The following LRRC8A variants were observed in gnomAD, a reference collection of about 807,000 sequenced individuals.
LRRC8A encodes the protein leucine rich repeat containing 8 VRAC subunit A.
A neutral mutation model predicts 52.5 loss-of-function variants in LRRC8A; 24 were observed. The observed-to-expected ratio is 0.46, with a 90% CI of 0.33 to 0.64. LRRC8A has a LOEUF of 0.64. LRRC8A is among the 30% of genes least tolerant of loss of function. The pLI is 0.02. For synonymous variants in LRRC8A, 492 were observed against 494.2 expected, an observed-to-expected ratio of 1.00 and a Z score of 0.06; for missense variants, 677 against 1,094.7, an observed-to-expected ratio of 0.62 and a Z score of 5.38.
intron 2 of LRRC8A, among the ~76,000 whole-genome samples, chr9:128,888,879 T>A (rs1372970365): frequency 6.6e-6 from 1 of 152,100 alleles, no homozygotes; most frequent in African/African-American, 2.4e-5. Flanking sequence ...CCTCCACAGA[T>A]GGTGCTCAGC....
intron 2 of LRRC8A, among the ~76,000 whole-genome samples, chr9:128,895,827 G>A (rs1272677956): frequency 6.6e-6 from 1 of 152,164 alleles, no homozygotes; most frequent in Non-Finnish European, 1.5e-5. Flanking sequence ...GGAGGTTGGG[G>A]AGAGCACTGG....
chr9:128,905,094 G>A (rs891586692), intron 2 of LRRC8A, among the ~76,000 whole-genome samples: 7 of 151,656 alleles, frequency 4.6e-5, no homozygotes, highest in African/African-American at 1.7e-4. Context: ...AGGATTGCTT[G>A]ACCAGGAGGT....
intron 2 of LRRC8A, among the ~76,000 whole-genome samples, chr9:128,901,932 A>G (rs1342051018): frequency 6.6e-6 from 1 of 152,220 alleles, no homozygotes; most frequent in Admixed American, 6.5e-5. Context: ...CCGAAGCCCC[A>G]TCAGAGAGGG....
intron 1 of LRRC8A, chr9:128,882,672 C>G (rs1285430442): frequency 2.5e-6 from 1 of 399,176 alleles, no homozygotes; most frequent in Non-Finnish European, 4.4e-6. Context: ...CTGTCTTCTC[C>G]TGAGTTCCTG....
intron 3 of LRRC8A, among the ~76,000 whole-genome samples, chr9:128,915,547 G>A (rs996664999): frequency 3.9e-5 from 6 of 152,102 alleles, no homozygotes; most frequent in Non-Finnish European, 7.4e-5. Flanking sequence ...GGATAGTCTC[G>A]ATCTCCTGAC....
rs201808589 is a variant in LRRC8A, at chr9:128,908,775, C to T, written c.1611C>T (p.Ile537=). Residue 537 remains isoleucine, a synonymous_variant, in exon 3 of 4, where the codon ATC becomes ATT. Coordinates refer to ENST00000372600, the MANE Select transcript of LRRC8A (RefSeq NM_019594.4). The stretch of plus-strand genomic sequence containing the variant: ...CGGAGAACAACCGCTACATCGTCAT[C>T]GACGGGCTGCGGGAGCTCAAACGCC... ...LSAENNRYIV[I]DGLRELKRLK... The T allele has an allele frequency of 4.6e-5, 74 of 1,613,356 alleles. No individual in the cohort carries two copies. In the East Asian group the frequency reaches 1.4e-3, roughly 30 times the overall value.
chr9:128,909,398 G>T, intron 3 of LRRC8A, 77 bp downstream of exon 3: 3 of 1,415,838 alleles, frequency 2.1e-6, no homozygotes, highest in Admixed American at 1.8e-5. Context: ...CACTCGGCAG[G>T]CTCAGTGTCC....
intron 1 of LRRC8A, among the ~76,000 whole-genome samples, chr9:128,883,882 G>A (rs557662983): frequency 5.1e-4 from 78 of 152,214 alleles, no homozygotes; most frequent in Admixed American, 1.0e-3. Context: ...GCTGAGGCAG[G>A]AGAATTGCTT....
intron 2 of LRRC8A, among the ~76,000 whole-genome samples, chr9:128,898,418 G>C (rs373035349): frequency 2.6e-4 from 40 of 152,332 alleles, no homozygotes; most frequent in African/African-American, 8.9e-4. Context: ...GGCCCCGCCT[G>C]TCTCTTTACC....
At chr9:128,915,486 G>A (rs939125163) in intron 3 of LRRC8A, among the ~76,000 whole-genome samples, 38 of 152,106 alleles carry the variant, frequency 2.5e-4, no homozygotes, top group Non-Finnish European at 4.1e-4. Context: ...CACCATGCCC[G>A]GCTAATTTTT....
chr9:128,909,340 G>A lies in LRRC8A; in HGVS notation c.2157+19G>A. ...CAACCGGGTGAGTGGCCCGGCCACA[G>A]CTCTGCGTGTGGGCTGGCGGGTGGC... On this transcript the variant is annotated intron_variant, in intron 3 of 3. Transcript: ENST00000372600. 1.2e-6 allele frequency: 2 copies of A among 1,606,942 alleles called. No homozygotes were observed. The highest frequency in any genetic ancestry group is 1.7e-6 in the Non-Finnish European group (2 of 1,176,930).
Position 128,916,006 on chromosome 9 carries a change from T to A in LRRC8A, c.2158-90T>A. ...GGGGCCTGGGGATCAGAAAAGATGC[T>A]GAGATCTTGGGGAGAGAGGGAAGGG... On this transcript the variant is annotated intron_variant, in intron 3 of 3. Transcript: ENST00000372600. The surrounding 1 kb of genome is among the most constrained non-coding windows in gnomAD (Gnocchi z 6.1). The A allele has an allele frequency of 6.9e-7, 1 of 1,458,604 alleles. No individual in the cohort carries two copies. The highest frequency in any genetic ancestry group is 9.3e-7 in the Non-Finnish European group (1 of 1,079,678). 90.4% of individuals were successfully genotyped at this position (1,458,604 alleles called of 1,614,324 possible). A position where few individuals can be genotyped will look rare whatever the true frequency, so the allele number is the denominator to read the frequency against.
chr9:128,907,375 G>A lies in LRRC8A; in HGVS notation c.211G>A (p.Gly71Ser), dbSNP rs144778925. The change falls in exon 3 of 4, where the codon GGC becomes AGC. Residue 71 changes from glycine to serine, a missense_variant. Physicochemically the swap from Gly to Ser is moderately conservative, Grantham distance 56. Coordinates refer to ENST00000372600, the MANE Select transcript of LRRC8A (RefSeq NM_019594.4). This position sits in a 1 kb window ranked among gnomAD's most constrained non-coding sequence, Gnocchi z 9.3. Reference sequence around the variant, plus strand: ...GGACTCCTGCAATGATTCGTTCCGGGGCTGGGCAGCCCCTGGCCCGGAGCC... The same window carrying A: ...GGACTCCTGCAATGATTCGTTCCGGAGCTGGGCAGCCCCTGGCCCGGAGCC... Reference protein sequence around the residue: ...TKDSCNDSFRGWAAPGPEPTY... With the variant: ...TKDSCNDSFRSWAAPGPEPTY... 8.1e-6 allele frequency: 13 copies of A among 1,613,412 alleles called. No individual in the cohort carries two copies. The Admixed American group carries it at 2.2e-4, about 27-fold the overall frequency.
intron 3 of LRRC8A, among the ~76,000 whole-genome samples, chr9:128,912,117 G>T (rs1242587539): frequency 1.3e-5 from 2 of 152,218 alleles, no homozygotes; most frequent in Non-Finnish European, 2.9e-5. Context: ...TAGAGACAGG[G>T]TCTCACTGTG....
Position 128,907,919 on chromosome 9 carries a change from C to A in LRRC8A, c.755C>A (p.Thr252Asn). ...ALFEKVKKFRTHVEEGDIVYR... is the reference protein window; with the variant it reads ...ALFEKVKKFRNHVEEGDIVYR... ...TTTGAGAAGGTGAAGAAGTTCCGGA[C>A]CCATGTGGAGGAGGGGGACATTGTG... The change falls in exon 3 of 4, where the codon ACC (threonine) becomes AAC (asparagine). Residue 252 changes from threonine to asparagine, a missense_variant. Physicochemically the swap from Thr to Asn is moderately conservative, Grantham distance 65 (BLOSUM62 0). Coordinates refer to ENST00000372600, the MANE Select transcript of LRRC8A (RefSeq NM_019594.4). The surrounding 1 kb of genome is among the most constrained non-coding windows in gnomAD (Gnocchi z 9.3). 1 of 1,614,090 alleles carries A rather than the reference C, an allele frequency of 6.2e-7. No homozygotes were observed. The highest frequency in any genetic ancestry group is 1.1e-5 in the South Asian group (1 of 91,076).
At chr9:128,883,665 A>T (rs1271151441) in intron 1 of LRRC8A, among the ~76,000 whole-genome samples, 4 of 151,930 alleles carry the variant, frequency 2.6e-5, no homozygotes, top group Admixed American at 6.6e-5. Context: ...CGTTCTAGGG[A>T]CCATAGGGTA....
At chr9:128,906,298 T>TGCCA (rs1840246305) in intron 2 of LRRC8A, among the ~76,000 whole-genome samples, 1 of 147,526 alleles carries the variant, frequency 6.8e-6, no homozygotes, top group Admixed American at 6.8e-5. Context: ...TGAGCCACCA[T>TGCCA]GCCAGCCCCC....
rs1839932631 is a variant in LRRC8A, at chr9:128,899,141, A to G, written c.-8-8016A>G. 2.0e-5 allele frequency among the ~76,000 whole-genome samples: 3 copies of G among 152,116 alleles called. No individual in the cohort carries two copies. The highest frequency in any genetic ancestry group is 4.1e-4 in the South Asian group (2 of 4,826). On this transcript the variant is annotated intron_variant, in intron 2 of 3. Coordinates refer to ENST00000372600, the MANE Select transcript of LRRC8A (RefSeq NM_019594.4). The surrounding 1 kb of genome is among the most constrained non-coding windows in gnomAD (Gnocchi z 4.0). ...CCACCCCTTGGCCCATTTTTTACAC[A>G]ACATGGACACATGTTTAACAGGTTT...
chr9:128,891,828 T>C (rs958149121), intron 2 of LRRC8A, among the ~76,000 whole-genome samples: 1 of 152,160 alleles, frequency 6.6e-6, no homozygotes, highest in African/African-American at 2.4e-5. Flanking sequence ...CCTGCTTGTC[T>C]TTGAGGCAGG....
Sources: allele counts gnomAD v4.1 joint callset (sites outside exome capture counted in the v4.1 genomes callset), GRCh38; gene constraint gnomAD v4.1.1; non-coding constraint Gnocchi (gnomAD v3.1); transcripts MANE v1.5; gene names NCBI Gene and HGNC (gene_info 2026-07-23, HGNC 2026-07-21).